Variants in OTUD7A observed in about 807,000 individuals in gnomAD.
OTUD7A encodes the protein OTU domain-containing protein 7A.
In OTUD7A, 12 loss-of-function variants were observed where a neutral mutation model predicts 65.7. The ratio of observed to expected loss-of-function variants is 0.18; its 90% CI spans 0.12 to 0.30. The LOEUF is 0.30. Among genes scored for constraint, OTUD7A ranks in the 10% least tolerant of loss-of-function variants. The pLI is 1.00. For synonymous variants in OTUD7A, 641 were observed against 586.3 expected (o/e 1.09, Z -1.35); for missense variants, 1,148 against 1,304.8 (o/e 0.88, Z 1.85).
chr15:31,850,110 T>C (rs1222717662), intron 1 of OTUD7A, among the ~76,000 whole-genome samples: 1 of 152,156 alleles, frequency 6.6e-6, no homozygotes, highest in African/African-American at 2.4e-5. Flanking sequence ...CACATGCACA[T>C]GTATGTTTAC....
chr15:31,696,829 A>T (rs1274830253), intron 1 of OTUD7A, among the ~76,000 whole-genome samples: 2 of 150,654 alleles, frequency 1.3e-5, no homozygotes, highest in African/African-American at 2.4e-5. Context: ...TGCAGCCAGG[A>T]GAGGAAAATA....
chr15:31,812,042 T>C lies in OTUD7A; in HGVS notation c.-100+58465A>G, dbSNP rs368728354. 1.3e-3 allele frequency among the ~76,000 whole-genome samples: 205 copies of C among 152,210 alleles called. 2 individuals carry two copies. The highest frequency in any genetic ancestry group is 4.8e-3 in the African/African-American group (199 of 41,534). On this transcript the variant is annotated intron_variant, in intron 1 of 12. Transcript: ENST00000307050. ...CCAGCCTTCCCAGGGATGGGGCAGG[T>C]GGTGACCAGAGCAAGGCCTTCTGCA...
chr15:31,504,897 C>CTTT (rs35439992), intron 8 of OTUD7A, among the ~76,000 whole-genome samples: 30 of 148,634 alleles, frequency 2.0e-4, no homozygotes, highest in African/African-American at 6.9e-4. Flanking sequence ...CTCAATTTAC[C>CTTT]TTTTTTTTTT....
intron 5 of OTUD7A, among the ~76,000 whole-genome samples, chr15:31,531,293 T>C (rs1020223408): frequency 6.6e-6 from 1 of 152,108 alleles, no homozygotes; most frequent in Non-Finnish European, 1.5e-5. Flanking sequence ...TCAGGGAAGA[T>C]AGATCAGATG....
At chr15:31,672,754 T>C (rs1017035160) in intron 1 of OTUD7A, among the ~76,000 whole-genome samples, 2 of 152,272 alleles carry the variant, frequency 1.3e-5, no homozygotes, top group Non-Finnish European at 2.9e-5. Context: ...AGATGCATGA[T>C]TGGAAGCAAA....
chr15:31,494,471 A>C (rs1182305905), intron 10 of OTUD7A, among the ~76,000 whole-genome samples: 3 of 152,200 alleles, frequency 2.0e-5, no homozygotes, highest in Non-Finnish European at 4.4e-5. Context: ...TTTATAAGCC[A>C]CCCAGTCTAT....
At chr15:31,509,682 A>G (rs1454004956) in intron 8 of OTUD7A, among the ~76,000 whole-genome samples, 1 of 152,022 alleles carries the variant, frequency 6.6e-6, no homozygotes, top group East Asian at 1.9e-4. Flanking sequence ...ATTTTTACAT[A>G]TTTTGTATAT....
At chr15:31,679,360 G>A (rs1188138845) in intron 1 of OTUD7A, among the ~76,000 whole-genome samples, 1 of 151,998 alleles carries the variant, frequency 6.6e-6, no homozygotes, top group African/African-American at 2.4e-5. Flanking sequence ...CTTGAAATGT[G>A]AGAACATGAG....
intron 1 of OTUD7A, among the ~76,000 whole-genome samples, chr15:31,722,617 T>A (rs1203744868): frequency 2.6e-5 from 4 of 152,116 alleles, no homozygotes; most frequent in Non-Finnish European, 5.9e-5. Context: ...TGAAGAGGGA[T>A]GGAATGCAGG....
intron 1 of OTUD7A, among the ~76,000 whole-genome samples, chr15:31,828,574 T>G (rs1425413057): frequency 2.0e-5 from 3 of 152,208 alleles, no homozygotes; most frequent in Non-Finnish European, 1.5e-5. Context: ...TGCATGCTTG[T>G]TCTTTTGCAG....
chr15:31,870,661 G>C lies in OTUD7A; in HGVS notation c.-254C>G, dbSNP rs546087544. 65 of 148,078 alleles carry C rather than the reference G, an allele frequency of 4.4e-4. No homozygotes were observed. The South Asian group carries it at 6.7e-3, about 15-fold the overall frequency. 9.2% of individuals were successfully genotyped at this position (148,078 alleles called of 1,614,324 possible). ...CTCCCCAGCTGCCGCTCGCGGTCCCGGTGGCCTCTCCTCCCCCGCCTCCTC... is the reference window on the plus strand; with the variant it reads ...CTCCCCAGCTGCCGCTCGCGGTCCCCGTGGCCTCTCCTCCCCCGCCTCCTC... On this transcript the variant is annotated 5_prime_UTR_variant, in exon 1 of 13. Coordinates refer to ENST00000307050, the MANE Select transcript of OTUD7A (RefSeq NM_001382637.1).
chr15:31,557,148 A>T (rs1888523984), intron 5 of OTUD7A: 1 of 152,264 alleles, frequency 6.6e-6, no homozygotes, highest in Non-Finnish European at 1.5e-5. Context: ...CTACGACCTG[A>T]CTGCAAGCCT....
chr15:31,703,392 A>G (rs1893257728), intron 1 of OTUD7A, among the ~76,000 whole-genome samples: 1 of 152,110 alleles, frequency 6.6e-6, no homozygotes, highest in Admixed American at 6.5e-5. Context: ...CAACAGTTAA[A>G]TCCATTAGAA....
chr15:31,490,649 G>C (rs1040172971), intron 10 of OTUD7A, among the ~76,000 whole-genome samples: 3 of 152,172 alleles, frequency 2.0e-5, no homozygotes, highest in African/African-American at 7.2e-5. Context: ...GGTTAAATTG[G>C]TAAAGGAACA....
intron 1 of OTUD7A, among the ~76,000 whole-genome samples, chr15:31,683,398 C>T (rs112331687): frequency 0.042 from 6,320 of 152,240 alleles, 192 homozygotes; most frequent in Non-Finnish European, 0.058. Context: ...TTGTTTTCTT[C>T]TTTAGTTTCT....
intron 1 of OTUD7A, among the ~76,000 whole-genome samples, chr15:31,858,296 T>A (rs1897630529): frequency 6.6e-6 from 1 of 152,160 alleles, no homozygotes; most frequent in Non-Finnish European, 1.5e-5. Context: ...AGTCAAGATG[T>A]TCTGGGAGGC....
intron 1 of OTUD7A, among the ~76,000 whole-genome samples, chr15:31,837,542 T>G (rs1243184251): frequency 6.6e-6 from 1 of 151,782 alleles, no homozygotes. Context: ...CAAGACTCCA[T>G]CTCAAAAAAA....
At chr15:31,626,048 A>C (rs1890940168) in intron 3 of OTUD7A, among the ~76,000 whole-genome samples, 1 of 152,196 alleles carries the variant, frequency 6.6e-6, no homozygotes, top group Non-Finnish European at 1.5e-5. Context: ...GTTTTGACCA[A>C]GAAAAGAAGT....
At chr15:31,548,783 A>G (rs779752357) in intron 5 of OTUD7A, among the ~76,000 whole-genome samples, 5 of 152,136 alleles carry the variant, frequency 3.3e-5, no homozygotes, top group Non-Finnish European at 5.9e-5. Context: ...AGCCCAATCA[A>G]AGGGTATGAT....
Sources: allele counts gnomAD v4.1 joint callset (sites outside exome capture counted in the v4.1 genomes callset), GRCh38; gene constraint gnomAD v4.1.1; transcripts MANE v1.5; gene names NCBI Gene and HGNC (gene_info 2026-07-23, HGNC 2026-07-21).